Variants in AXDND1 observed in about 807,000 individuals in gnomAD.
AXDND1 encodes the protein axonemal dynein light chain domain-containing protein 1.
In AXDND1, 110 loss-of-function variants were observed where a neutral mutation model predicts 137.5. The ratio of observed to expected loss-of-function variants is 0.80; its 90% CI spans 0.69 to 0.94. The LOEUF (loss-of-function observed/expected upper bound fraction) is 0.94. Ranked by LOEUF, AXDND1 falls within the 40% of genes least tolerant of loss-of-function variation. The probability of loss-of-function intolerance (pLI) is 0.00; values close to 1 mark genes in which losing one functional copy is unlikely to be tolerated. For missense variants in AXDND1, 1,191 were observed against 1,169.8 expected (o/e 1.02, Z -0.26); for synonymous variants, 414 against 399.7 (o/e 1.04, Z -0.43).
At position 179,429,553 on chromosome 1, in the gene AXDND1, A is replaced by G; in HGVS notation, c.1266A>G (p.Arg422=). The G allele has an allele frequency of 6.3e-7, 1 of 1,576,968 alleles. No individual in the cohort carries two copies. The highest frequency in any genetic ancestry group is 8.6e-7 in the Non-Finnish European group (1 of 1,164,322). The change falls in exon 13 of 26, where the codon AGA becomes AGG. Residue 422 remains arginine, a synonymous_variant. Transcript: ENST00000367618. ...GAAATAGAGTCATATTGGCTAGAAG[A>G]CTTTACCTTAATGAAAAAGGCTGGA... The part of the protein sequence containing the change: ...IERNRVILAR[R]LYLNEKGWNK...
intron 22 of AXDND1, among the ~76,000 whole-genome samples, chr1:179,528,033 A>G (rs779720534): frequency 6.6e-6 from 1 of 152,194 alleles, no homozygotes; most frequent in Non-Finnish European, 1.5e-5. Context: ...ATCATGTTAT[A>G]CCATAATTAT....
rs1323772200 is a variant in AXDND1 at position 179,414,942 on chromosome 1, A to G, written c.1230+3676A>G. On this transcript the variant is annotated intron_variant, in intron 12 of 25. Transcript: ENST00000367618. ...CTGAGAAAATGTGTTACTTGGTTAG[A>G]ATAGATAAATACAACAGAATAGAAT... Among the ~76,000 whole-genome samples, 6 of 144,178 alleles carry G rather than the reference A, an allele frequency of 4.2e-5. 1 individual carries two copies. In the Admixed American group the frequency reaches 4.4e-4, roughly 10 times the overall value. 94.6% of individuals were successfully genotyped at this position (144,178 alleles called of 152,430 possible). A position where few individuals can be genotyped will look rare whatever the true frequency, so the allele number is the denominator to read the frequency against.
At chr1:179,519,107 A>T (rs969612125) in intron 21 of AXDND1, among the ~76,000 whole-genome samples, 3 of 152,190 alleles carry the variant, frequency 2.0e-5, no homozygotes, top group African/African-American at 4.8e-5. Flanking sequence ...ATGGTAGCTC[A>T]TTATGGTTTT....
intron 6 of AXDND1, among the ~76,000 whole-genome samples, 184 bp downstream of exon 6, chr1:179,379,666 G>A (rs1012643937): frequency 1.5e-4 from 23 of 151,954 alleles, no homozygotes; most frequent in Non-Finnish European, 2.9e-4. Flanking sequence ...TGTGGTGGCG[G>A]GTGCCTGTAA....
At chr1:179,516,608 TG>T (rs1234724259) in intron 21 of AXDND1, among the ~76,000 whole-genome samples, 4 of 152,198 alleles carry the variant, frequency 2.6e-5, no homozygotes, top group Admixed American at 1.3e-4. Context: ...GGTATAGAGC[TG>T]AAGTCTTTTG....
chr1:179,378,717 G>T lies in AXDND1; in HGVS notation c.455G>T (p.Arg152Leu). 1 of 1,588,382 alleles carries T rather than the reference G, an allele frequency of 6.3e-7. No homozygotes were observed. Among genetic ancestry groups the T allele is most frequent in the Non-Finnish European group, 8.6e-7 (1 of 1,165,604 alleles). ...GCAGTTTGTCCCCCACATTTGGCCC[G>T]TTCATTACAGTCACATGATGGTGTC... Reference protein sequence around the residue: ...EKAVCPPHLARSLQSHDGVIV... With the variant: ...EKAVCPPHLALSLQSHDGVIV... Residue 152 changes from arginine to leucine, a missense_variant, in exon 5 of 26, where the codon CGT (arginine) becomes CTT (leucine). Coordinates refer to ENST00000367618, the MANE Select transcript of AXDND1 (RefSeq NM_144696.6).
intron 14 of AXDND1, among the ~76,000 whole-genome samples, chr1:179,431,688 T>C (rs901145592): frequency 6.6e-6 from 1 of 152,156 alleles, no homozygotes; most frequent in African/African-American, 2.4e-5. Flanking sequence ...TTGGAAGTTC[T>C]GGAAGCTGAA....
At position 179,487,546 on chromosome 1, in the gene AXDND1, C is replaced by T. The variant is rs796134312; in HGVS notation, c.2092-3992C>T. On this transcript the variant is annotated intron_variant, in intron 18 of 25. Transcript: ENST00000367618. ...TTGCAGGTTTAAATTGCAGATTAAA[C>T]TTGTGATTATAAAGCTATTTGAAGG... 3.4e-5 allele frequency among the ~76,000 whole-genome samples: 5 copies of T among 148,236 alleles called. 1 individual carries two copies. In the South Asian group the frequency reaches 1.0e-3, roughly 31 times the overall value.
At chr1:179,535,438 T>C (rs991161758) in intron 25 of AXDND1, among the ~76,000 whole-genome samples, 16 of 152,276 alleles carry the variant, frequency 1.1e-4, no homozygotes, top group African/African-American at 3.6e-4. Context: ...GTGTTCTCAT[T>C]GTTCAACTCC....
intron 15 of AXDND1, among the ~76,000 whole-genome samples, chr1:179,441,151 G>A (rs951134970): frequency 1.3e-5 from 2 of 152,148 alleles, no homozygotes; most frequent in African/African-American, 2.4e-5. Context: ...CTCGTTACCC[G>A]GCAGGAGAGT....
intron 14 of AXDND1, among the ~76,000 whole-genome samples, chr1:179,431,244 C>T (rs1012774734): frequency 3.3e-5 from 5 of 152,082 alleles, no homozygotes; most frequent in South Asian, 2.1e-4. Flanking sequence ...TGGGTTCAAG[C>T]GATTCTCCCA....
intron 16 of AXDND1, 139 bp from the exon 17 acceptor site, chr1:179,468,304 G>A (rs1484248086): frequency 3.3e-6 from 2 of 598,010 alleles, no homozygotes; most frequent in South Asian, 2.3e-5. Flanking sequence ...TTTTTGTAAG[G>A]TTCTCTGCTA....
intron 4 of AXDND1, among the ~76,000 whole-genome samples, chr1:179,371,973 A>T (rs1415211299): frequency 6.6e-6 from 1 of 152,208 alleles, no homozygotes; most frequent in Non-Finnish European, 1.5e-5. Flanking sequence ...AAAGAAACAC[A>T]GTCCTGCCAA....
chr1:179,525,002 C>CATG (rs1202483059), intron 21 of AXDND1, among the ~76,000 whole-genome samples: 2 of 152,084 alleles, frequency 1.3e-5, no homozygotes, highest in Non-Finnish European at 1.5e-5. Context: ...CATCCTCTGC[C>CATG]CAGAGCTGCT....
At chr1:179,414,034 G>A (rs1654303050) in intron 12 of AXDND1, among the ~76,000 whole-genome samples, 2 of 151,628 alleles carry the variant, frequency 1.3e-5, no homozygotes. Flanking sequence ...AATATTATTT[G>A]AATTAATTAG....
rs11807786 is a variant in AXDND1 at position 179,541,430 on chromosome 1, A to G, written c.3031+6468A>G. ...TCTGCATTGATCTTACTGGGAGCTG[A>G]AGACTGGAGCTGTTCCTATTTGGCC... On this transcript the variant is annotated intron_variant, in intron 25 of 25. Transcript: ENST00000367618. 3.7e-4 allele frequency among the ~76,000 whole-genome samples: 56 copies of G among 151,906 alleles called. No individual in the cohort carries two copies. In the East Asian group the frequency reaches 0.011, roughly 30 times the overall value.
intron 12 of AXDND1, among the ~76,000 whole-genome samples, chr1:179,421,040 CCTT>C (rs1558153072): frequency 0.054 from 435 of 8,012 alleles, 3 homozygotes; most frequent in Admixed American, 0.11. Flanking sequence ...GGTATCCCTT[CCTT>C]CCTTCCTTCC....
At chr1:179,384,088 C>T (rs1450170834) in intron 8 of AXDND1, among the ~76,000 whole-genome samples, 3 of 151,938 alleles carry the variant, frequency 2.0e-5, no homozygotes, top group Admixed American at 6.6e-5. Flanking sequence ...AGATAGAGAC[C>T]TTTTTCTTTA....
At position 179,432,286 on chromosome 1, in the gene AXDND1, C is replaced by G; in HGVS notation, c.1507C>G (p.Pro503Ala). ...TTTCAGTGAAAAAGACATTTTATCC[C>G]CTAATAAGGGAAATATATTTAATTC... ...EFFNEKDILSPNKGNIFNSVL... is the reference protein window; with the variant it reads ...EFFNEKDILSANKGNIFNSVL... The change falls in exon 15 of 26, where the codon CCT (proline) becomes GCT (alanine). Residue 503 changes from proline (P) to alanine (A), a missense_variant. Coordinates refer to ENST00000367618, the MANE Select transcript of AXDND1 (RefSeq NM_144696.6). 1 of 1,562,242 alleles carries G rather than the reference C, an allele frequency of 6.4e-7. No homozygotes were observed. Among genetic ancestry groups the G allele is most frequent in the Non-Finnish European group, 8.7e-7 (1 of 1,151,496 alleles).
Sources: gnomAD v4.1 joint callset for allele counts (sites outside exome capture counted in the v4.1 genomes callset) on GRCh38, gnomAD v4.1.1 for gene constraint, MANE v1.5 for transcripts, NCBI Gene and HGNC (gene_info 2026-07-23, HGNC 2026-07-21) for gene names.